DIDO1: variants seen among roughly 807,000 people sequenced by gnomAD.
DIDO1 encodes the protein death-inducer obliterator 1.
DIDO1 carries 16 observed loss-of-function variants against 99.4 expected under a neutral mutation model. The ratio of observed to expected loss-of-function variants is 0.16; its 90% CI spans 0.11 to 0.24. DIDO1 has a LOEUF of 0.24. DIDO1 is among the 10% of genes least tolerant of loss of function. The pLI, the probability that DIDO1 is intolerant of heterozygous loss-of-function variation, is 1.00. For missense variants in DIDO1, 2,996 were observed against 3,014.0 expected, an observed-to-expected ratio of 0.99 and a Z score of 0.14; for synonymous variants, 1,366 against 1,239.1, an observed-to-expected ratio of 1.10 and a Z score of -2.15.
At chr20:62,883,367 C>T (rs2064244539) in intron 15 of DIDO1, among the ~76,000 whole-genome samples, 1 of 152,116 alleles carries the variant, frequency 6.6e-6, no homozygotes, top group African/African-American at 2.4e-5. Context: ...TACAACTAGA[C>T]AGGAAAAACA....
At position 62,907,348 on chromosome 20, in the gene DIDO1, C is replaced by T. The variant is rs755626799; in HGVS notation, c.1173G>A (p.Ala391=). 5.6e-5 allele frequency: 91 copies of T among 1,613,788 alleles called. No homozygotes were observed. The highest frequency in any genetic ancestry group is 7.0e-5 in the Non-Finnish European group (83 of 1,180,028). ...KLKIFQPVIE[A]PGASKCIGPG... ...GGCCAATACATTTTGAGGCACCAGG[C>T]GCCTCTATCACCTGCAGAACAAAAC... Residue 391 remains alanine, a synonymous_variant, in exon 5 of 16, where the codon GCG becomes GCA. Coordinates refer to ENST00000395343, the MANE Select transcript of DIDO1 (RefSeq NM_001193369.2).
chr20:62,881,834 C>T lies in DIDO1; in HGVS notation c.4122G>A (p.Lys1374=), dbSNP rs372485756. The T allele has an allele frequency of 2.6e-4, 415 of 1,613,452 alleles. 1 individual carries two copies. Among genetic ancestry groups the T allele is most frequent in the Non-Finnish European group, 3.2e-4 (382 of 1,180,040 alleles). ...VQQFGQFSKD[K]ALEEEEDDRP... Reference sequence around the variant, plus strand: ...TGTCGTCCTCCTCTTCCTCTAGAGCCTTATCTTTTGAGAACTGACCGAACT... The same window carrying T: ...TGTCGTCCTCCTCTTCCTCTAGAGCTTTATCTTTTGAGAACTGACCGAACT... Residue 1374 remains lysine, a synonymous_variant, in exon 16 of 16, where the codon AAG becomes AAA. Transcript: ENST00000395343. This position sits in a 1 kb window ranked among gnomAD's most constrained non-coding sequence, Gnocchi z 8.3.
upstream of DIDO1, chr20:62,928,735 CA>C (rs751838818): frequency 2.0e-5 from 3 of 152,190 alleles, no homozygotes; most frequent in African/African-American, 4.8e-5. Flanking sequence ...CAAAACCCCA[CA>C]AGTAGCACCG....
chr20:62,920,736 G>A (rs917612423), intron 1 of DIDO1, among the ~76,000 whole-genome samples: 5 of 152,218 alleles, frequency 3.3e-5, no homozygotes, highest in African/African-American at 4.8e-5. Flanking sequence ...CATTTCAGAA[G>A]CTGAACGGAG....
Position 62,880,199 on chromosome 20 carries a change from G to C in DIDO1, c.5757C>G (p.Pro1919=), listed in dbSNP as rs761701206. 21 of 1,612,276 alleles carry C rather than the reference G, an allele frequency of 1.3e-5. No homozygotes were observed. The East Asian group carries it at 4.0e-4, about 31-fold the overall frequency. The part of the protein sequence containing the change: ...PSQFGGQRGP[P]PGHFVGPRGP... ...CTCTTGGGCCCACGAAATGACCAGG[G>C]GGTGGTCCTCTCTGACCTCCAAACT... The change falls in exon 16 of 16, where the codon CCC becomes CCG. Residue 1919 remains proline, a synonymous_variant. Coordinates refer to ENST00000395343, the MANE Select transcript of DIDO1 (RefSeq NM_001193369.2).
At chr20:62,906,799 C>T (rs576255757) in intron 5 of DIDO1, among the ~76,000 whole-genome samples, 5 of 152,236 alleles carry the variant, frequency 3.3e-5, no homozygotes, top group South Asian at 2.1e-4. Flanking sequence ...AGCCTTGCCC[C>T]GAACCCGCCT....
intron 5 of DIDO1, among the ~76,000 whole-genome samples, chr20:62,906,697 C>G (rs940425049): frequency 1.0e-5 from 1 of 95,966 alleles, no homozygotes; most frequent in Non-Finnish European, 1.9e-5. Flanking sequence ...TTTGCGATCT[C>G]TAAACATTCC....
chr20:62,895,192 C>A, intron 8 of DIDO1, 27 bp from the exon 9 acceptor site: 2 of 1,564,228 alleles, frequency 1.3e-6, no homozygotes, highest in South Asian at 1.1e-5. Context: ...TTCATTTACT[C>A]AAATAATATT....
intron 1 of DIDO1, among the ~76,000 whole-genome samples, chr20:62,918,127 G>C (rs1601019072): frequency 6.6e-6 from 1 of 152,186 alleles, no homozygotes; most frequent in South Asian, 2.1e-4. Flanking sequence ...AAAACAGTAA[G>C]CAGCCAAAAG....
chr20:62,904,760 A>G lies in DIDO1; in HGVS notation c.1588+1127T>C, dbSNP rs556247013. 6.6e-4 allele frequency among the ~76,000 whole-genome samples: 89 copies of G among 135,634 alleles called. 1 individual carries two copies. Among genetic ancestry groups the G allele is most frequent in the African/African-American group, 2.4e-3 (85 of 35,508 alleles). The allele number at this position is 135,634 out of a possible 152,430, so 89.0% of individuals were successfully genotyped here. A position where few individuals can be genotyped will look rare whatever the true frequency, so the allele number is the denominator to read the frequency against. On this transcript the variant is annotated intron_variant, in intron 6 of 15. Transcript: ENST00000395343. ...ATGCCACTGCACTCCAGCCTGGGTG[A>G]CAGAGCAAGACTCTTGTCTCAAAAA...
chr20:62,906,838 C>T (rs955678449), intron 5 of DIDO1, among the ~76,000 whole-genome samples: 19 of 152,222 alleles, frequency 1.2e-4, no homozygotes, highest in African/African-American at 4.6e-4. Flanking sequence ...CAAGTCTACG[C>T]TCTACAAACT....
Position 62,931,857 on chromosome 20 carries a change from A to G in DIDO1, c.-200+5939T>C, listed in dbSNP as rs188858182. Among the ~76,000 whole-genome samples, 3 of 152,358 alleles carry G rather than the reference A, an allele frequency of 2.0e-5. No homozygotes were observed. In the East Asian group the frequency reaches 5.8e-4, roughly 29 times the overall value. ...TAAATGAAAACACTTTAAGAAGTGA[A>G]AGAGACTCCAGCAACCTTCCAGAAT... On this transcript the variant is annotated intron_variant, in intron 1 of 15. Transcript: ENST00000266070.
intron 2 of DIDO1, among the ~76,000 whole-genome samples, chr20:62,913,722 C>T (rs1052915952): frequency 6.7e-6 from 1 of 149,226 alleles, no homozygotes; most frequent in Non-Finnish European, 1.5e-5. Flanking sequence ...CAGAAGGGCA[C>T]AAAGTTGCAG....
Position 62,879,619 on chromosome 20 carries a change from T to C in DIDO1, c.6337A>G (p.Arg2113Gly). The change falls in exon 16 of 16, where the codon AGG becomes GGG. Residue 2113 changes from arginine (R) to glycine (G), a missense_variant. This residue lies in a region of DIDO1 where 1,562 missense variants were observed against 1,412.6 expected (regional missense o/e 1.11). Coordinates refer to ENST00000395343, the MANE Select transcript of DIDO1 (RefSeq NM_001193369.2). This position sits in a 1 kb window ranked among gnomAD's most constrained non-coding sequence, Gnocchi z 6.3. ...PDAQGRASED[R>G]RRERERGRNW... is the part of the protein sequence containing the mutation. The stretch of plus-strand genomic sequence containing the variant: ...CGGCCGCGCTCGCGCTCTCTCCTCC[T>C]GTCCTCGGACGCCCGGCCCTGGGCG... 2.5e-6 allele frequency: 4 copies of C among 1,605,060 alleles called. No individual in the cohort carries two copies. Among genetic ancestry groups the C allele is most frequent in the East Asian group, 2.2e-5 (1 of 44,832 alleles).
chr20:62,923,594 G>A (rs553969705), intron 1 of DIDO1, among the ~76,000 whole-genome samples: 31 of 152,290 alleles, frequency 2.0e-4, no homozygotes, highest in African/African-American at 7.5e-4. Context: ...AACGCATCCC[G>A]TTCACTAGTG....
chr20:62,908,379 G>C (rs947095730), intron 4 of DIDO1, among the ~76,000 whole-genome samples: 2 of 152,198 alleles, frequency 1.3e-5, no homozygotes. Context: ...CGTGACTGCA[G>C]TCCTGTGAGA....
At chr20:62,917,955 A>G (rs1211312994) in intron 1 of DIDO1, among the ~76,000 whole-genome samples, 1 of 152,250 alleles carries the variant, frequency 6.6e-6, no homozygotes, top group Non-Finnish European at 1.5e-5. Context: ...AACACAAAGA[A>G]CTGTGGCAAC....
Position 62,880,308 on chromosome 20 carries a change from C to T in DIDO1, c.5648G>A (p.Gly1883Asp), listed in dbSNP as rs1298929155. The T allele has an allele frequency of 1.9e-6, 3 of 1,612,842 alleles. No homozygotes were observed. Among genetic ancestry groups the T allele is most frequent in the South Asian group, 1.1e-5 (1 of 91,088 alleles). The part of the protein sequence containing the change: ...TEQAPFLGSR[G>D]GAPFQFGGQR... ...GCCTCCGAACTGGAAAGGCGCGCCG[C>T]CTCTGCTTCCCAGAAATGGGGCTTG... Residue 1883 changes from glycine (G) to aspartate (D), a missense_variant, in exon 16 of 16, where the codon GGC (glycine) becomes GAC (aspartate). By Grantham distance (94) the Gly-to-Asp change is moderately conservative. This residue lies in a region of DIDO1 where 1,562 missense variants were observed against 1,412.6 expected (regional missense o/e 1.11). Coordinates refer to ENST00000395343, the MANE Select transcript of DIDO1 (RefSeq NM_001193369.2).
chr20:62,909,613 C>A lies in DIDO1; in HGVS notation c.1161+86G>T, dbSNP rs1387992145. ...CACCGCCCCACATGGGTGCAGCACC[C>A]GTCCTGGGAGGAATTTCTATCTAGA... On this transcript the variant is annotated intron_variant, in intron 4 of 15. Transcript: ENST00000395343. The A allele has an allele frequency of 4.6e-6, 7 of 1,531,652 alleles. No homozygotes were observed. In the Admixed American group the frequency reaches 1.2e-4, roughly 27 times the overall value. The allele number at this position is 1,531,652 out of a possible 1,614,324, so 94.9% of individuals were successfully genotyped here.
Sources: gnomAD v4.1 joint callset for allele counts (sites outside exome capture counted in the v4.1 genomes callset) on GRCh38, gnomAD v4.1.1 for gene constraint, gnomAD v4.1.1 regional missense constraint, Gnocchi (gnomAD v3.1) non-coding constraint, MANE v1.5 for transcripts, NCBI Gene and HGNC (gene_info 2026-07-23, HGNC 2026-07-21) for gene names.